STK32A: variants seen among roughly 807,000 people sequenced by gnomAD.
STK32A encodes serine/threonine-protein kinase 32A.
STK32A carries 41 observed loss-of-function variants against 53.2 expected under a neutral mutation model. The ratio of observed to expected loss-of-function variants is 0.77; its 90% CI spans 0.60 to 1.00. The LOEUF (loss-of-function observed/expected upper bound fraction) is 1.00. Among genes scored for constraint, STK32A ranks in the 50% least tolerant of loss-of-function variants. STK32A has a pLI of 0.00. For synonymous variants in STK32A, 166 were observed against 162.8 expected, an observed-to-expected ratio of 1.02 and a Z score of -0.15; for missense variants, 458 against 485.8, an observed-to-expected ratio of 0.94 and a Z score of 0.54.
In STK32A at chr5:147,375,928, A is replaced by AATGG. The variant is rs1432282016; in HGVS notation, c.1032+710_1032+711insATGG. ...GTTACTTTGCCTCTAAAGGTCATCT[A>AATGG]TCTATCCACACGACCATTTCCATTC... On this transcript the variant is annotated intron_variant, in intron 11 of 12. Transcript: ENST00000397936. 5 of 152,182 alleles carry AATGG rather than the reference A, an allele frequency of 3.3e-5. No individual in the cohort carries two copies. The East Asian group carries it at 9.6e-4, about 29-fold the overall frequency. The allele number at this position is 152,182 out of a possible 1,614,324, so 9.4% of individuals were successfully genotyped here. A position where few individuals can be genotyped will look rare whatever the true frequency, so the allele number is the denominator to read the frequency against.
chr5:147,239,331 A>G (rs1297478417), intron 1 of STK32A, among the ~76,000 whole-genome samples: 1 of 152,034 alleles, frequency 6.6e-6, no homozygotes, highest in Non-Finnish European at 1.5e-5. Flanking sequence ...CTTTCCTCCC[A>G]TTTTGTAAGT....
At chr5:147,266,843 G>C (rs10074361) in intron 2 of STK32A, among the ~76,000 whole-genome samples, 7,394 of 152,132 alleles carry the variant, frequency 0.049, 607 homozygotes, top group African/African-American at 0.17. Flanking sequence ...TGATAACATA[G>C]AGAAACCCTG....
At chr5:147,273,002 T>C (rs1379696595) in intron 2 of STK32A, among the ~76,000 whole-genome samples, 1 of 152,134 alleles carries the variant, frequency 6.6e-6, no homozygotes, top group Non-Finnish European at 1.5e-5. Flanking sequence ...TTAGAAAAAA[T>C]AAAATCTTTT....
chr5:147,360,689 C>G (rs756982350), intron 7 of STK32A, among the ~76,000 whole-genome samples: 36 of 152,262 alleles, frequency 2.4e-4, no homozygotes, highest in Admixed American at 5.9e-4. Flanking sequence ...AAATTTCTCT[C>G]CAGTGATTCT....
chr5:147,353,684 T>C (rs1240733728), intron 7 of STK32A, among the ~76,000 whole-genome samples: 1 of 152,152 alleles, frequency 6.6e-6, no homozygotes, highest in African/African-American at 2.4e-5. Flanking sequence ...CACTTGAACC[T>C]GGGAGGCGGA....
At chr5:147,306,808 C>G (rs1753430253) in intron 4 of STK32A, among the ~76,000 whole-genome samples, 1 of 151,832 alleles carries the variant, frequency 6.6e-6, no homozygotes, top group South Asian at 2.1e-4. Flanking sequence ...GCATGGAAAC[C>G]AAATAAAACA....
chr5:147,347,065 A>C (rs1165041215), intron 6 of STK32A, among the ~76,000 whole-genome samples: 1 of 152,164 alleles, frequency 6.6e-6, no homozygotes, highest in Non-Finnish European at 1.5e-5. Context: ...AAGGATATAC[A>C]TTTTCAGCAA....
In STK32A at chr5:147,277,689, T is replaced by G. The variant is rs1331354658; in HGVS notation, c.53-435T>G. On this transcript the variant is annotated intron_variant, in intron 2 of 12. Coordinates refer to ENST00000397936, the MANE Select transcript of STK32A (RefSeq NM_001112724.2). The stretch of plus-strand genomic sequence containing the variant: ...CATAGGATGCACCTGGGAGCAGATC[T>G]TTCTGAAGTCATTCTGTGCTCAGAG... 2.0e-5 allele frequency among the ~76,000 whole-genome samples: 3 copies of G among 152,228 alleles called. No individual in the cohort carries two copies. The East Asian group carries it at 5.8e-4, about 29-fold the overall frequency.
intron 1 of STK32A, among the ~76,000 whole-genome samples, chr5:147,236,583 A>C (rs1011075983): frequency 4.6e-5 from 7 of 152,356 alleles, no homozygotes; most frequent in African/African-American, 1.7e-4. Flanking sequence ...ATGAAAAATA[A>C]TTTTAAACTG....
intron 4 of STK32A, among the ~76,000 whole-genome samples, chr5:147,308,470 A>G (rs558536695): frequency 6.6e-6 from 1 of 152,236 alleles, no homozygotes; most frequent in African/African-American, 2.4e-5. Context: ...TTCAATATTT[A>G]CATTCATGTG....
At chr5:147,375,267 C>T (rs771064823) in intron 11 of STK32A, 49 bp downstream of exon 11, 2 of 1,585,426 alleles carry the variant, frequency 1.3e-6, no homozygotes, top group African/African-American at 2.7e-5. Flanking sequence ...CCCATGATGG[C>T]TGCAATATCT....
chr5:147,309,229 CTG>C (rs1270518721), intron 4 of STK32A, among the ~76,000 whole-genome samples: 1 of 151,980 alleles, frequency 6.6e-6, no homozygotes, highest in African/African-American at 2.4e-5. Context: ...AGTTTGAAGT[CTG>C]TATGTGTGTG....
At chr5:147,253,692 T>A (rs1240054167) in intron 2 of STK32A, among the ~76,000 whole-genome samples, 1 of 152,176 alleles carries the variant, frequency 6.6e-6, no homozygotes, top group South Asian at 2.1e-4. Flanking sequence ...AAATAATGTT[T>A]GTACTTCCTT....
At chr5:147,400,434 TGAA>T in the STK32A span, among the ~76,000 whole-genome samples, 1 of 152,348 alleles carries the variant, frequency 6.6e-6, no homozygotes, top group East Asian at 1.9e-4. Context: ...TACACTCAGA[TGAA>T]GGAGTTGCAT....
intron 2 of STK32A, among the ~76,000 whole-genome samples, chr5:147,258,798 T>C (rs6872518): frequency 0.079 from 12,018 of 152,260 alleles, 1,656 homozygotes; most frequent in African/African-American, 0.27. Context: ...TGTTACACTG[T>C]TAACTTTTAG....
At chr5:147,350,744 CCTT>C (rs1755930805) in intron 6 of STK32A, among the ~76,000 whole-genome samples, 1 of 152,096 alleles carries the variant, frequency 6.6e-6, no homozygotes, top group Non-Finnish European at 1.5e-5. Context: ...TTGGCTGTCT[CCTT>C]CATAGTATTC....
intron 11 of STK32A, among the ~76,000 whole-genome samples, chr5:147,377,390 GA>G (rs1204941665): frequency 1.3e-5 from 2 of 151,932 alleles, no homozygotes; most frequent in Admixed American, 6.6e-5. Flanking sequence ...TCTCACTCTA[GA>G]AAGCTCAATG....
At chr5:147,265,635 C>G (rs959985003) in intron 2 of STK32A, among the ~76,000 whole-genome samples, 2 of 152,004 alleles carry the variant, frequency 1.3e-5, no homozygotes, top group Non-Finnish European at 2.9e-5. Context: ...GGTAAGTGTC[C>G]TGGGACTGAG....
chr5:147,293,505 G>C (rs1345648818), intron 4 of STK32A, among the ~76,000 whole-genome samples: 1 of 117,954 alleles, frequency 8.5e-6, no homozygotes, highest in African/African-American at 3.2e-5. Flanking sequence ...AAAAAAAAAA[G>C]GACTAAATTT....
Sources: gnomAD v4.1 joint callset for allele counts (sites outside exome capture counted in the v4.1 genomes callset) on GRCh38, gnomAD v4.1.1 for gene constraint, MANE v1.5 for transcripts, NCBI Gene and HGNC (gene_info 2026-07-23, HGNC 2026-07-21) for gene names.